ERC2: variants seen among roughly 807,000 people sequenced by gnomAD.
ERC2 encodes ERC protein 2.
In ERC2, 42 loss-of-function variants were observed where a neutral mutation model predicts 114.8. That is an observed-to-expected ratio of 0.37 (90% CI 0.29 to 0.47). ERC2 has a LOEUF of 0.47. ERC2 is among the 20% of genes least tolerant of loss of function. ERC2 has a pLI of 0.99. For synonymous variants in ERC2, 454 were observed against 425.5 expected, an observed-to-expected ratio of 1.07 and a Z score of -0.82; for missense variants, 939 against 1,150.7, an observed-to-expected ratio of 0.82 and a Z score of 2.66.
chr3:55,879,787 C>A (rs1353111745), intron 14 of ERC2, among the ~76,000 whole-genome samples: 1 of 152,182 alleles, frequency 6.6e-6, no homozygotes, highest in African/African-American at 2.4e-5. Flanking sequence ...TTCCTTAGAA[C>A]TGGATTCCCA....
intron 4 of ERC2, among the ~76,000 whole-genome samples, chr3:56,160,177 T>C (rs1403903248): frequency 1.3e-5 from 2 of 152,234 alleles, no homozygotes; most frequent in Non-Finnish European, 2.9e-5. Context: ...TTTGACTTTT[T>C]AATAATAGCC....
intron 2 of ERC2, among the ~76,000 whole-genome samples, chr3:56,331,017 T>A (rs1203920738): frequency 1.3e-5 from 2 of 152,208 alleles, no homozygotes; most frequent in African/African-American, 4.8e-5. Flanking sequence ...AGGTGAGCCC[T>A]AATTAACCAC....
intron 3 of ERC2, among the ~76,000 whole-genome samples, chr3:56,273,356 C>A (rs2053786051): frequency 6.7e-6 from 1 of 149,176 alleles, no homozygotes; most frequent in African/African-American, 2.5e-5. Flanking sequence ...TGGGCTCAAG[C>A]AATCCACCCA....
At chr3:55,954,618 A>G (rs1013860480) in intron 12 of ERC2, among the ~76,000 whole-genome samples, 2 of 152,242 alleles carry the variant, frequency 1.3e-5, no homozygotes, top group African/African-American at 4.8e-5. Flanking sequence ...AAACAAAAAG[A>G]TGCCACTTTT....
At chr3:56,032,947 GAAAGAAAGAAAC>G (rs1560056740) in intron 7 of ERC2, among the ~76,000 whole-genome samples, 3 of 63,116 alleles carry the variant, frequency 4.8e-5, no homozygotes, top group African/African-American at 1.4e-4. Flanking sequence ...AAGAAAGAAA[GAAAGAAAGAAAC>G]AGAAAGAAAG....
chr3:55,621,595 A>T (rs1323644420), intron 17 of ERC2, among the ~76,000 whole-genome samples: 5 of 152,210 alleles, frequency 3.3e-5, no homozygotes, highest in Admixed American at 3.3e-4. Flanking sequence ...GGAGACACAG[A>T]CACCTTGATA....
chr3:56,435,308 G>T lies in ERC2; in HGVS notation c.-140-161C>A, dbSNP rs970444566. On this transcript the variant is annotated intron_variant, in intron 1 of 17. Coordinates refer to ENST00000288221, the MANE Select transcript of ERC2 (RefSeq NM_015576.3). ...CACACCCATAATGTTGATTTATAAA[G>T]AAAAGCAACTCTAGAACTTTACTAC... is the stretch of plus-strand genomic sequence containing the variant. Among the ~76,000 whole-genome samples the T allele has an allele frequency of 2.0e-5, 3 of 151,890 alleles. No individual in the cohort carries two copies. In the South Asian group the frequency reaches 6.4e-4, roughly 32 times the overall value.
chr3:55,799,995 A>G (rs1258301762), intron 14 of ERC2, among the ~76,000 whole-genome samples: 1 of 152,184 alleles, frequency 6.6e-6, no homozygotes, highest in Non-Finnish European at 1.5e-5. Context: ...CAATCAAGTT[A>G]AAGCCATCAA....
intron 7 of ERC2, among the ~76,000 whole-genome samples, chr3:56,042,115 A>G (rs1451565909): frequency 6.6e-6 from 1 of 152,154 alleles, no homozygotes; most frequent in Non-Finnish European, 1.5e-5. Context: ...CTTTTAGAGA[A>G]GGAACTCTCA....
intron 2 of ERC2, among the ~76,000 whole-genome samples, chr3:56,391,023 GT>G (rs2060109709): frequency 6.6e-6 from 1 of 152,146 alleles, no homozygotes; most frequent in Admixed American, 6.6e-5. Context: ...TAGTTTCTTC[GT>G]CAGTTTAATG....
At chr3:55,588,184 T>C (rs1379982747) in intron 17 of ERC2, among the ~76,000 whole-genome samples, 1 of 152,108 alleles carries the variant, frequency 6.6e-6, no homozygotes, top group Non-Finnish European at 1.5e-5. Flanking sequence ...AGAAACCAGC[T>C]GAAGGCTCCC....
At chr3:56,361,310 G>A (rs1333505459) in intron 2 of ERC2, among the ~76,000 whole-genome samples, 4 of 152,136 alleles carry the variant, frequency 2.6e-5, no homozygotes. Context: ...AGTCTGACAT[G>A]AAACATGAAG....
intron 3 of ERC2, among the ~76,000 whole-genome samples, chr3:56,238,708 A>C (rs2051130262): frequency 1.3e-5 from 2 of 152,210 alleles, no homozygotes; most frequent in Non-Finnish European, 2.9e-5. Flanking sequence ...TCCAGGCCCC[A>C]GCAATGCTAG....
chr3:56,218,995 G>T (rs959654139), intron 3 of ERC2, among the ~76,000 whole-genome samples: 9 of 152,192 alleles, frequency 5.9e-5, no homozygotes, highest in African/African-American at 2.2e-4. Context: ...GTTGTGGGGT[G>T]GTTTGGGGGG....
Position 55,888,450 on chromosome 3 carries a change from C to T in ERC2, c.2503G>A (p.Ala835Thr), listed in dbSNP as rs751986725. The change falls in exon 14 of 18, where the codon GCG becomes ACG. Residue 835 changes from alanine to threonine, a missense_variant. Ala to Thr is a moderately conservative substitution (Grantham distance 58). This residue lies in a region of ERC2 where 328 missense variants were observed against 353.9 expected (regional missense o/e 0.93). Coordinates refer to ENST00000288221, the MANE Select transcript of ERC2 (RefSeq NM_015576.3). Reference sequence around the variant, plus strand: ...TCAATCCGGAGGTTGGCCAAGTGCGCTTCTTTTTCGGCCAGGGACTGTTGT... The same window carrying T: ...TCAATCCGGAGGTTGGCCAAGTGCGTTTCTTTTTCGGCCAGGGACTGTTGT... Reference protein sequence around the residue: ...STQQSLAEKEAHLANLRIERR... With the variant: ...STQQSLAEKETHLANLRIERR... 1.4e-5 allele frequency: 23 copies of T among 1,613,904 alleles called. No individual in the cohort carries two copies. Among genetic ancestry groups the T allele is most frequent in the Non-Finnish European group, 1.8e-5 (21 of 1,179,850 alleles).
intron 17 of ERC2, among the ~76,000 whole-genome samples, chr3:55,571,222 C>T (rs992547200): frequency 6.6e-6 from 1 of 150,996 alleles, no homozygotes; most frequent in Non-Finnish European, 1.5e-5. Context: ...GTTTTGTGCA[C>T]AACTGTGCTC....
intron 2 of ERC2, among the ~76,000 whole-genome samples, chr3:56,323,552 C>A (rs1432080505): frequency 6.6e-6 from 1 of 152,130 alleles, no homozygotes; most frequent in African/African-American, 2.4e-5. Flanking sequence ...TGAGCCCAGC[C>A]AAAGCCAGCC....
chr3:55,885,072 C>CT (rs1332255720), intron 14 of ERC2, among the ~76,000 whole-genome samples: 1 of 152,154 alleles, frequency 6.6e-6, no homozygotes, highest in Non-Finnish European at 1.5e-5. Context: ...CCTCACCCCT[C>CT]TTCCCTCTAA....
At chr3:55,780,629 C>T (rs1300445918) in intron 14 of ERC2, among the ~76,000 whole-genome samples, 1 of 152,232 alleles carries the variant, frequency 6.6e-6, no homozygotes, top group African/African-American at 2.4e-5. Context: ...GAGTATGTCA[C>T]ATATGCCAGT....
Sources: gnomAD v4.1 joint callset for allele counts (sites outside exome capture counted in the v4.1 genomes callset) on GRCh38, gnomAD v4.1.1 for gene constraint, gnomAD v4.1.1 regional missense constraint, MANE v1.5 for transcripts, NCBI Gene and HGNC (gene_info 2026-07-23, HGNC 2026-07-21) for gene names.